Variants in ARHGAP25 observed in about 807,000 individuals in gnomAD.
The protein encoded by ARHGAP25 is Rho GTPase activating protein 25.
A neutral mutation model predicts 71.0 loss-of-function variants in ARHGAP25; 34 were observed. The observed-to-expected ratio is 0.48, with a 90% CI of 0.36 to 0.64. The LOEUF is 0.64. Among genes scored for constraint, ARHGAP25 ranks in the 30% least tolerant of loss-of-function variants. The pLI is 0.00. For synonymous variants in ARHGAP25, 282 were observed against 296.5 expected, an observed-to-expected ratio of 0.95 and a Z score of 0.50; for missense variants, 706 against 805.1, an observed-to-expected ratio of 0.88 and a Z score of 1.49.
intron 2 of ARHGAP25, among the ~76,000 whole-genome samples, chr2:68,780,011 G>A (rs1482847452): frequency 6.6e-6 from 1 of 152,136 alleles, no homozygotes; most frequent in East Asian, 1.9e-4. Context: ...TTGTAATTCT[G>A]GAATCACACT....
intron 2 of ARHGAP25, among the ~76,000 whole-genome samples, chr2:68,778,016 A>G (rs946713090): frequency 9.9e-5 from 15 of 152,136 alleles, no homozygotes; most frequent in African/African-American, 3.6e-4. Context: ...TGATTCTACA[A>G]TATAATTCTT....
rs143939326 is a variant in ARHGAP25 at position 68,813,268 on chromosome 2, G to A, written c.675-19G>A. On this transcript the variant is annotated intron_variant, in intron 5 of 10. Transcript: ENST00000409202. The stretch of plus-strand genomic sequence containing the variant: ...TTTCTTTCAAAGAGTTTCACAGAGC[G>A]TTGCTTATTTTCTTCCAGAGACACA... 1,284 of 1,600,338 alleles carry A rather than the reference G, an allele frequency of 8.0e-4. 3 individuals carry two copies. Among genetic ancestry groups the A allele is most frequent in the Middle Eastern group, 3.5e-3 (21 of 5,962 alleles).
intron 1 of ARHGAP25, among the ~76,000 whole-genome samples, chr2:68,758,884 G>C (rs1273730461): frequency 6.6e-6 from 1 of 151,792 alleles, no homozygotes; most frequent in Non-Finnish European, 1.5e-5. Context: ...GATTTTAAAA[G>C]GTAGGTATCG....
chr2:68,735,032 AG>A lies in ARHGAP25; in HGVS notation c.-166del. ...ATGGACCTTTCATCTAAGAGAAAGG[AG>A]GAGACACGTTGGCAAATCAGCCTCA... On this transcript the variant is annotated 5_prime_UTR_variant, in exon 1 of 11. An upstream open reading frame in the 5' UTR gains an earlier in-frame stop. Transcript: ENST00000409202. 3 of 662,544 alleles carry A rather than the reference AG, an allele frequency of 4.5e-6. No individual in the cohort carries two copies. The highest frequency in any genetic ancestry group is 5.4e-5 in the East Asian group (2 of 37,242). 41.0% of individuals were successfully genotyped at this position (662,544 alleles called of 1,614,324 possible).
At chr2:68,722,726 C>G (rs997478719) in intron 2 of ARHGAP25, among the ~76,000 whole-genome samples, 5 of 152,146 alleles carry the variant, frequency 3.3e-5, no homozygotes, top group Non-Finnish European at 5.9e-5. Context: ...CACTCTGGCT[C>G]GAGGGCCCAT....
chr2:68,798,099 T>TC (rs1679700811), intron 4 of ARHGAP25, among the ~76,000 whole-genome samples: 1 of 152,294 alleles, frequency 6.6e-6, no homozygotes, highest in South Asian at 2.1e-4. Context: ...TCAGCCATCT[T>TC]GAAAAAAAAG....
At chr2:68,774,188 G>A (rs895282596) in intron 1 of ARHGAP25, among the ~76,000 whole-genome samples, 1 of 152,184 alleles carries the variant, frequency 6.6e-6, no homozygotes, top group African/African-American at 2.4e-5. Context: ...AGCAAGTGTG[G>A]AGGGCAGTGC....
At chr2:68,797,369 G>A (rs1679632379) in intron 4 of ARHGAP25, among the ~76,000 whole-genome samples, 1 of 152,150 alleles carries the variant, frequency 6.6e-6, no homozygotes, top group African/African-American at 2.4e-5. Flanking sequence ...TCACACCCCA[G>A]TCCCAGCAAA....
At chr2:68,731,814 A>AC (rs565093448), upstream of ARHGAP25, among the ~76,000 whole-genome samples, 143 of 149,510 alleles carry the variant, frequency 9.6e-4, 1 homozygote, top group East Asian at 0.021. Context: ...TCGCATATAC[A>AC]CCCCCCCTAG....
At chr2:68,759,949 C>T (rs978247034) in intron 1 of ARHGAP25, among the ~76,000 whole-genome samples, 2 of 151,914 alleles carry the variant, frequency 1.3e-5, no homozygotes, top group Non-Finnish European at 2.9e-5. Context: ...AATGCTACAA[C>T]AGAAAAATGA....
intron 1 of ARHGAP25, among the ~76,000 whole-genome samples, chr2:68,755,030 A>G (rs1676396548): frequency 6.6e-6 from 1 of 151,964 alleles, no homozygotes; most frequent in Non-Finnish European, 1.5e-5. Context: ...TTTAATTTTG[A>G]TGAAGTCAAA....
intron 2 of ARHGAP25, among the ~76,000 whole-genome samples, chr2:68,722,861 G>T (rs1278173980): frequency 1.3e-5 from 2 of 152,148 alleles, no homozygotes; most frequent in African/African-American, 4.8e-5. Context: ...AGTGTCACTT[G>T]GTGCAGACAC....
chr2:68,779,834 G>C (rs1388991552), intron 2 of ARHGAP25, among the ~76,000 whole-genome samples: 1 of 152,238 alleles, frequency 6.6e-6, no homozygotes, highest in East Asian at 1.9e-4. Flanking sequence ...ACCCCTACTG[G>C]TGTCTCTTCC....
intron 2 of ARHGAP25, among the ~76,000 whole-genome samples, chr2:68,779,833 G>A (rs1454366451): frequency 6.6e-6 from 1 of 152,134 alleles, no homozygotes; most frequent in Non-Finnish European, 1.5e-5. Context: ...CACCCCTACT[G>A]GTGTCTCTTC....
rs139751572 is a variant in ARHGAP25, at chr2:68,738,592, C to T, written c.61+3332C>T. Among the ~76,000 whole-genome samples, 809 of 152,126 alleles carry T rather than the reference C, an allele frequency of 5.3e-3. 20 individuals are homozygous for T. The highest frequency in any genetic ancestry group is 2.0e-3 in the Non-Finnish European group (138 of 67,990). On this transcript the variant is annotated intron_variant, in intron 1 of 10. Coordinates refer to ENST00000409202, the MANE Select transcript of ARHGAP25 (RefSeq NM_001007231.3). ...GTATTTGCTTTCCATGAGTAGCCTCCGGTCCCTGATAGATAAAGGTCCCCG... is the reference window on the plus strand; with the variant it reads ...GTATTTGCTTTCCATGAGTAGCCTCTGGTCCCTGATAGATAAAGGTCCCCG...
intron 1 of ARHGAP25, among the ~76,000 whole-genome samples, chr2:68,763,885 G>A (rs1676971576): frequency 6.6e-6 from 1 of 151,948 alleles, no homozygotes; most frequent in South Asian, 2.1e-4. Flanking sequence ...CTTTACTGAG[G>A]TATAATTTAT....
intron 1 of ARHGAP25, 171 bp downstream of exon 1, chr2:68,735,431 C>A (rs754941996): frequency 7.4e-6 from 5 of 671,868 alleles, no homozygotes; most frequent in Non-Finnish European, 1.3e-5. Flanking sequence ...TTCTAAAATG[C>A]TGGGAGGGGG....
intron 4 of ARHGAP25, among the ~76,000 whole-genome samples, chr2:68,795,283 C>G (rs62135041): frequency 2.5e-4 from 38 of 151,996 alleles, no homozygotes; most frequent in African/African-American, 9.2e-4. Flanking sequence ...CTGCTCTGAC[C>G]TTTGTTATTT....
intron 2 of ARHGAP25, among the ~76,000 whole-genome samples, chr2:68,725,756 A>T (rs912521931): frequency 2.6e-5 from 4 of 152,102 alleles, no homozygotes; most frequent in African/African-American, 9.7e-5. Flanking sequence ...TTGTTGACCC[A>T]TCTCTTGTTA....
Sources: gnomAD v4.1 joint callset for allele counts (sites outside exome capture counted in the v4.1 genomes callset) on GRCh38, gnomAD v4.1.1 for gene constraint, MANE v1.5 for transcripts, NCBI Gene and HGNC (gene_info 2026-07-23, HGNC 2026-07-21) for gene names.